DLGAP2: variants seen among roughly 807,000 people sequenced by gnomAD.
DLGAP2 encodes disks large-associated protein 2.
In DLGAP2, 26 loss-of-function variants were observed where a neutral mutation model predicts 100.3. That is an observed-to-expected ratio of 0.26 (90% CI 0.19 to 0.36). The LOEUF (loss-of-function observed/expected upper bound fraction) is 0.36. Ranked by LOEUF, DLGAP2 falls within the 10% of genes least tolerant of loss-of-function variation. The pLI is 1.00. For synonymous variants in DLGAP2, 886 were observed against 630.1 expected, an observed-to-expected ratio of 1.41 and a Z score of -6.08; for missense variants, 1,858 against 1,453.2, an observed-to-expected ratio of 1.28 and a Z score of -4.53.
At chr8:815,866 ATT>A (rs1171223794) in intron 1 of DLGAP2, among the ~76,000 whole-genome samples, 1 of 152,178 alleles carries the variant, frequency 6.6e-6, no homozygotes, top group East Asian at 1.9e-4. Flanking sequence ...AGATGTAGTA[ATT>A]GTTTTATAAA....
chr8:1,131,114 A>G (rs1796284436), intron 2 of DLGAP2, among the ~76,000 whole-genome samples: 1 of 152,168 alleles, frequency 6.6e-6, no homozygotes, highest in Non-Finnish European at 1.5e-5. Flanking sequence ...AAATGCACTC[A>G]TTTTATAACA....
chr8:1,410,366 C>A (rs893094358), intron 3 of DLGAP2, among the ~76,000 whole-genome samples: 1 of 152,182 alleles, frequency 6.6e-6, no homozygotes, highest in Non-Finnish European at 1.5e-5. Flanking sequence ...GAGGAGCTCC[C>A]AGCAGAGCAG....
At chr8:1,442,725 C>A (rs1002297369) in intron 3 of DLGAP2, among the ~76,000 whole-genome samples, 2 of 150,056 alleles carry the variant, frequency 1.3e-5, no homozygotes, top group Non-Finnish European at 3.0e-5. Context: ...CGGGCATAGA[C>A]CCGCCAGGCT....
chr8:896,820 G>A (rs1214027119), intron 1 of DLGAP2, among the ~76,000 whole-genome samples: 1 of 152,186 alleles, frequency 6.6e-6, no homozygotes, highest in Admixed American at 6.5e-5. Flanking sequence ...CCAGTCTGTG[G>A]CTTTTGTTTT....
intron 3 of DLGAP2, among the ~76,000 whole-genome samples, chr8:1,327,559 G>A (rs1025952880): frequency 6.6e-6 from 1 of 152,150 alleles, no homozygotes; most frequent in South Asian, 2.1e-4. Context: ...AAAGAAACAT[G>A]GTGAGCCAGG....
At chr8:952,213 A>G (rs1253921167) in intron 2 of DLGAP2, among the ~76,000 whole-genome samples, 3 of 152,052 alleles carry the variant, frequency 2.0e-5, no homozygotes, top group African/African-American at 7.2e-5. Context: ...CCTCCTTGTG[A>G]CCCCATATTT....
chr8:1,222,201 G>T (rs565437054), intron 2 of DLGAP2, among the ~76,000 whole-genome samples: 1 of 152,328 alleles, frequency 6.6e-6, no homozygotes, highest in South Asian at 2.1e-4. Context: ...TTTCTCATCT[G>T]TGTGGGCTGA....
At chr8:890,695 A>G (rs909238064) in intron 1 of DLGAP2, among the ~76,000 whole-genome samples, 12 of 151,876 alleles carry the variant, frequency 7.9e-5, no homozygotes, top group Non-Finnish European at 1.5e-4. Flanking sequence ...CCACCTGTCC[A>G]GATGCAGATT....
At chr8:1,204,012 T>G (rs984242640) in intron 2 of DLGAP2, among the ~76,000 whole-genome samples, 1 of 152,220 alleles carries the variant, frequency 6.6e-6, no homozygotes, top group African/African-American at 2.4e-5. Context: ...GGTAAAGTAG[T>G]GCTCTTGAAA....
chr8:1,202,342 G>A (rs577051851), intron 2 of DLGAP2, among the ~76,000 whole-genome samples: 1 of 151,970 alleles, frequency 6.6e-6, no homozygotes, highest in African/African-American at 2.4e-5. Flanking sequence ...CTGGGCCAGG[G>A]GCAGGCACGG....
chr8:892,799 TAGG>T (rs1563082765), intron 1 of DLGAP2, among the ~76,000 whole-genome samples: 2 of 152,092 alleles, frequency 1.3e-5, no homozygotes, highest in Non-Finnish European at 2.9e-5. Flanking sequence ...ATCTCAGGTT[TAGG>T]AGGGAATTTA....
intron 3 of DLGAP2, among the ~76,000 whole-genome samples, chr8:1,429,863 T>G (rs1165868971): frequency 6.6e-6 from 1 of 150,752 alleles, no homozygotes; most frequent in African/African-American, 2.4e-5. Flanking sequence ...TCCAAGGTGA[T>G]CTGGCCATTC....
At position 1,549,536 on chromosome 8, in the gene DLGAP2, C is replaced by T. The variant is rs747650114; in HGVS notation, c.1083C>T (p.Pro361=). The change falls in exon 5 of 15, where the codon CCC becomes CCT. Residue 361 remains proline (P), a synonymous_variant. Coordinates refer to ENST00000637795, the MANE Select transcript of DLGAP2 (RefSeq NM_001346810.2). ...CSACEGLALT[P]DAKYLKRSSW... Reference sequence around the variant, plus strand: ...CCTGTGAGGGGTTGGCGCTGACGCCCGACGCCAAGTACCTGAAGCGCAGCT... The same window carrying T: ...CCTGTGAGGGGTTGGCGCTGACGCCTGACGCCAAGTACCTGAAGCGCAGCT... 1.2e-6 allele frequency: 2 copies of T among 1,613,346 alleles called. No homozygotes were observed. The highest frequency in any genetic ancestry group is 1.7e-5 in the Admixed American group (1 of 60,024).
At chr8:1,673,338 T>G (rs1032305984) in intron 10 of DLGAP2, among the ~76,000 whole-genome samples, 9 of 152,274 alleles carry the variant, frequency 5.9e-5, no homozygotes, top group Admixed American at 5.9e-4. Context: ...ATAAAATAAT[T>G]TATTTTCTTT....
chr8:1,040,513 T>C lies in DLGAP2; in HGVS notation c.73+132547T>C, dbSNP rs746342714. On this transcript the variant is annotated intron_variant, in intron 2 of 14. Coordinates refer to ENST00000637795, the MANE Select transcript of DLGAP2 (RefSeq NM_001346810.2). ...CCGTGGTCGTCTCGGTGTGCGTGGT[T>C]GGCTCGGTTTCCGTGGTCGGCTCGG... Among the ~76,000 whole-genome samples the C allele has an allele frequency of 3.4e-3, 211 of 62,956 alleles. 1 individual carries two copies. The highest frequency in any genetic ancestry group is 0.016 in the Middle Eastern group (1 of 64). 41.3% of individuals were successfully genotyped at this position (62,956 alleles called of 152,430 possible). A position where few individuals can be genotyped will look rare whatever the true frequency, so the allele number is the denominator to read the frequency against.
intron 6 of DLGAP2, among the ~76,000 whole-genome samples, chr8:1,602,126 G>A (rs959232397): frequency 6.6e-6 from 1 of 152,162 alleles, no homozygotes; most frequent in Non-Finnish European, 1.5e-5. Flanking sequence ...ATGAGAGAGT[G>A]AGTGAATGTA....
At chr8:1,323,355 T>C (rs1410693612) in intron 3 of DLGAP2, among the ~76,000 whole-genome samples, 3 of 152,130 alleles carry the variant, frequency 2.0e-5, no homozygotes, top group Non-Finnish European at 4.4e-5. Flanking sequence ...TTAAGGCTTT[T>C]TAAACAACCA....
chr8:1,203,370 C>T lies in DLGAP2; in HGVS notation c.74-55481C>T, dbSNP rs1352037020. ...TCGGTGTTAGAATCCATGAGACTGG[C>T]GTGTCCTTCGGTGACGAGGCCGCCC... On this transcript the variant is annotated intron_variant, in intron 2 of 14. Transcript: ENST00000637795. Among the ~76,000 whole-genome samples the T allele has an allele frequency of 2.0e-5, 3 of 150,214 alleles. 1 individual carries two copies. Among genetic ancestry groups the T allele is most frequent in the Non-Finnish European group, 3.0e-5 (2 of 67,612 alleles).
intron 2 of DLGAP2, among the ~76,000 whole-genome samples, chr8:1,084,807 T>C (rs774787732): frequency 5.3e-5 from 8 of 152,212 alleles, no homozygotes; most frequent in Non-Finnish European, 7.3e-5. Flanking sequence ...TTCCATGTCT[T>C]GGACATTGTG....
Sources: gnomAD v4.1 joint callset for allele counts (sites outside exome capture counted in the v4.1 genomes callset) on GRCh38, gnomAD v4.1.1 for gene constraint, MANE v1.5 for transcripts, NCBI Gene and HGNC (gene_info 2026-07-23, HGNC 2026-07-21) for gene names.